The following ABTB3 variants were observed in gnomAD, a reference collection of about 807,000 sequenced individuals.
ABTB3 encodes the protein ankyrin repeat and BTB domain containing 3, also known as ankyrin repeat- and BTB/POZ domain-containing protein 3.
the ABTB3 span, among the ~76,000 whole-genome samples, chr12:107,506,842 G>T: frequency 1.3e-5 from 2 of 152,180 alleles, no homozygotes; most frequent in African/African-American, 2.4e-5. Context: ...ATGAATTGAT[G>T]CATGAGAATA....
At chr12:107,357,714 A>T in the ABTB3 span, among the ~76,000 whole-genome samples, 3 of 152,208 alleles carry the variant, frequency 2.0e-5, no homozygotes, top group South Asian at 6.2e-4. Flanking sequence ...CCTTTCTTTC[A>T]TGAAATGATG....
the ABTB3 span, among the ~76,000 whole-genome samples, chr12:107,628,927 A>C: frequency 3.3e-5 from 5 of 152,150 alleles, no homozygotes; most frequent in African/African-American, 1.2e-4. Flanking sequence ...TTATGTTTTT[A>C]CCACCACATA....
At chr12:107,566,833 C>T in the ABTB3 span, among the ~76,000 whole-genome samples, 168 of 152,288 alleles carry the variant, frequency 1.1e-3, no homozygotes, top group African/African-American at 3.9e-3. Context: ...CAGTGACTCA[C>T]ATCTGTAATT....
chr12:107,422,764 A>T, the ABTB3 span, among the ~76,000 whole-genome samples: 8 of 152,232 alleles, frequency 5.3e-5, no homozygotes, highest in Admixed American at 4.6e-4. Flanking sequence ...AAGAGCAGAA[A>T]CCCAACTCAC....
chr12:107,520,143 G>A, the ABTB3 span: 4 of 841,046 alleles, frequency 4.8e-6, no homozygotes, highest in Non-Finnish European at 5.7e-6. Flanking sequence ...AACAAAGGGA[G>A]TGACCTGACC....
the ABTB3 span, among the ~76,000 whole-genome samples, chr12:107,497,583 C>T: frequency 6.6e-6 from 1 of 152,152 alleles, no homozygotes; most frequent in Non-Finnish European, 1.5e-5. Context: ...TCATCACCAC[C>T]ACCATTATCA....
At chr12:107,361,755 T>C in the ABTB3 span, among the ~76,000 whole-genome samples, 1 of 152,206 alleles carries the variant, frequency 6.6e-6, no homozygotes, top group African/African-American at 2.4e-5. Flanking sequence ...TAATACAGGC[T>C]GCTTTGTAGA....
At chr12:107,339,169 G>A in the ABTB3 span, among the ~76,000 whole-genome samples, 12,835 of 152,216 alleles carry the variant, frequency 0.084, 744 homozygotes, top group African/African-American at 0.16. Context: ...ATGGGCCACC[G>A]TCCTGGGCTC....
the ABTB3 span, among the ~76,000 whole-genome samples, chr12:107,362,888 T>C: frequency 6.6e-6 from 1 of 152,238 alleles, no homozygotes; most frequent in African/African-American, 2.4e-5. Flanking sequence ...TTGGATATTC[T>C]GTCCATTTCC....
the ABTB3 span, among the ~76,000 whole-genome samples, chr12:107,409,687 CA>C: frequency 6.6e-6 from 1 of 152,170 alleles, no homozygotes; most frequent in Non-Finnish European, 1.5e-5. Context: ...GAACAACACA[CA>C]CTGGGGCTTG....
chr12:107,602,295 C>T, the ABTB3 span, among the ~76,000 whole-genome samples: 1 of 152,214 alleles, frequency 6.6e-6, no homozygotes, highest in African/African-American at 2.4e-5. Context: ...TACTGTGATT[C>T]TGGTGGTATT....
the ABTB3 span, among the ~76,000 whole-genome samples, chr12:107,342,127 T>A: frequency 2.0e-5 from 3 of 152,162 alleles, no homozygotes; most frequent in African/African-American, 7.2e-5. Flanking sequence ...ATTTTTGACT[T>A]CTTGGTGACA....
At chr12:107,577,160 G>A in the ABTB3 span, among the ~76,000 whole-genome samples, 1 of 152,206 alleles carries the variant, frequency 6.6e-6, no homozygotes, top group Non-Finnish European at 1.5e-5. Flanking sequence ...TCAGAGTTGA[G>A]TAGTAGCAAC....
At chr12:107,441,645 T>G in the ABTB3 span, among the ~76,000 whole-genome samples, 1 of 151,832 alleles carries the variant, frequency 6.6e-6, no homozygotes, top group Admixed American at 6.6e-5. Context: ...AAAAAAAAAG[T>G]TACCTGGGGG....
At chr12:107,623,193 TGGGACTATA>T in the ABTB3 span, among the ~76,000 whole-genome samples, 20 of 151,808 alleles carry the variant, frequency 1.3e-4, no homozygotes, top group East Asian at 1.9e-4. Context: ...CCTGAGTAGC[TGGGACTATA>T]GGCCCACGCC....
chr12:107,462,145 C>T, the ABTB3 span, among the ~76,000 whole-genome samples: 2 of 152,184 alleles, frequency 1.3e-5, no homozygotes, highest in African/African-American at 4.8e-5. Context: ...TCCTGGAAAT[C>T]TTCCTCATTT....
the ABTB3 span, among the ~76,000 whole-genome samples, chr12:107,565,534 C>A: frequency 6.6e-6 from 1 of 152,100 alleles, no homozygotes; most frequent in Non-Finnish European, 1.5e-5. Flanking sequence ...CACCTTGCAC[C>A]AGTTCCCATT....
At chr12:107,636,762 C>G in the ABTB3 span, among the ~76,000 whole-genome samples, 18 of 152,188 alleles carry the variant, frequency 1.2e-4, no homozygotes, top group African/African-American at 4.3e-4. Context: ...GTTATAAAGA[C>G]CAGTCAAATT....
chr12:107,529,833 G>A, the ABTB3 span, among the ~76,000 whole-genome samples: 171 of 152,208 alleles, frequency 1.1e-3, no homozygotes, highest in African/African-American at 2.6e-3. Context: ...TCCCCTTCCC[G>A]GAACAGGACA....
Sources: gnomAD v4.1 joint callset for allele counts (sites outside exome capture counted in the v4.1 genomes callset) on GRCh38, gnomAD v4.1.1 for gene constraint, MANE v1.5 for transcripts, NCBI Gene and HGNC (gene_info 2026-07-23, HGNC 2026-07-21) for gene names.